The following RPS6KA2 variants were observed in gnomAD, a reference collection of about 807,000 sequenced individuals.
RPS6KA2 encodes ribosomal protein S6 kinase A2, also known as ribosomal protein S6 kinase alpha-2.
A neutral mutation model predicts 91.8 loss-of-function variants in RPS6KA2; 42 were observed. The observed-to-expected ratio is 0.46, with a 90% CI of 0.36 to 0.59. RPS6KA2 has a LOEUF of 0.59. Among genes scored for constraint, RPS6KA2 ranks in the 20% least tolerant of loss-of-function variants. RPS6KA2 has a pLI of 0.00. For missense variants in RPS6KA2, 798 were observed against 978.5 expected, an observed-to-expected ratio of 0.82 and a Z score of 2.46; for synonymous variants, 414 against 393.6, an observed-to-expected ratio of 1.05 and a Z score of -0.61.
rs536186496 is a variant in RPS6KA2, at chr6:166,687,822, T to C, written c.124-149038A>G. Among the ~76,000 whole-genome samples the C allele has an allele frequency of 8.3e-4, 127 of 152,280 alleles. 1 individual carries two copies. Among genetic ancestry groups the C allele is most frequent in the Middle Eastern group, 3.4e-3 (1 of 294 alleles). On this transcript the variant is annotated intron_variant, in intron 2 of 21. Transcript: ENST00000503859. The stretch of plus-strand genomic sequence containing the variant: ...AATGCGTGTGCACAGAGATGCAAAA[T>C]TGCCTTTACCAGAATCAATCTTGGG...
In RPS6KA2 at chr6:166,849,178, G is replaced by A. The variant is rs1319732387; in HGVS notation, c.123+9022C>T. Among the ~76,000 whole-genome samples, 2 of 150,612 alleles carry A rather than the reference G, an allele frequency of 1.3e-5. No homozygotes were observed. The highest frequency in any genetic ancestry group is 1.3e-4 in the Admixed American group (2 of 14,996). On this transcript the variant is annotated intron_variant, in intron 2 of 21. Coordinates refer to the RPS6KA2 transcript ENST00000503859. This position sits in a 1 kb window ranked among gnomAD's most constrained non-coding sequence, Gnocchi z 4.9. ...AGGGTCTGTCTGTCTGTCTGTCTGG[G>A]ACAATCCACCCCTGGTCTTGCTGGT... is the stretch of plus-strand genomic sequence containing the variant.
intron 2 of RPS6KA2, among the ~76,000 whole-genome samples, chr6:166,706,236 T>C (rs994907727): frequency 6.6e-6 from 1 of 152,168 alleles, no homozygotes; most frequent in Admixed American, 6.5e-5. Context: ...CAAATACCTC[T>C]CTGTACCAAT....
rs200886778 is a variant in RPS6KA2, at chr6:166,448,859, G to T, written c.1207-10C>A. On this transcript the variant is annotated splice_polypyrimidine_tract_variant and intron_variant, in intron 13 of 20. Coordinates refer to ENST00000265678, the MANE Select transcript of RPS6KA2 (RefSeq NM_021135.6). This position sits in a 1 kb window ranked among gnomAD's most constrained non-coding sequence, Gnocchi z 4.7. ...TGTTCCCGTGTAACTGCTGCAGAGG[G>T]ACCAAGAGAAGAAGAGTTGTCGGAA... The T allele has an allele frequency of 2.1e-5, 34 of 1,613,526 alleles. No individual in the cohort carries two copies. In the East Asian group the frequency reaches 6.0e-4, roughly 29 times the overall value.
chr6:166,556,386 C>T lies in RPS6KA2; in HGVS notation c.100-17602G>A, dbSNP rs561154583. On this transcript the variant is annotated intron_variant, in intron 1 of 20. Transcript: ENST00000265678. Reference sequence around the variant, plus strand: ...CCCTAATGACTTTTCCCCCTACTACCTGACATGTTAGAAATGGTCATTCCC... The same window carrying T: ...CCCTAATGACTTTTCCCCCTACTACTTGACATGTTAGAAATGGTCATTCCC... Among the ~76,000 whole-genome samples the T allele has an allele frequency of 5.3e-5, 8 of 152,338 alleles. No individual in the cohort carries two copies. The East Asian group carries it at 1.5e-3, about 29-fold the overall frequency.
chr6:166,845,243 G>A (rs972448411), intron 2 of RPS6KA2, among the ~76,000 whole-genome samples: 8 of 152,114 alleles, frequency 5.3e-5, no homozygotes, highest in African/African-American at 1.4e-4. Context: ...GAAATAAAGA[G>A]ACAGCAACAC....
At position 166,499,458 on chromosome 6, in the gene RPS6KA2, A is replaced by C. The variant is rs185787133; in HGVS notation, c.605-808T>G. 2.1e-3 allele frequency among the ~76,000 whole-genome samples: 319 copies of C among 152,364 alleles called. 1 individual carries two copies. Among genetic ancestry groups the C allele is most frequent in the South Asian group, 8.5e-3 (41 of 4,830 alleles). On this transcript the variant is annotated intron_variant, in intron 7 of 20. Transcript: ENST00000265678. Reference sequence around the variant, plus strand: ...CATCCAAATCTCACCTTGAATTGTAAGAATCCCCACGTGTCGTGGGAGGGA... The same window carrying C: ...CATCCAAATCTCACCTTGAATTGTACGAATCCCCACGTGTCGTGGGAGGGA...
At chr6:166,814,052 C>T (rs1264311660) in intron 2 of RPS6KA2, among the ~76,000 whole-genome samples, 1 of 152,184 alleles carries the variant, frequency 6.6e-6, no homozygotes, top group African/African-American at 2.4e-5. Flanking sequence ...TGTTGGTACG[C>T]ATACATTTTG....
chr6:166,583,803 T>C (rs145979172), intron 1 of RPS6KA2, among the ~76,000 whole-genome samples: 2 of 152,204 alleles, frequency 1.3e-5, no homozygotes, highest in African/African-American at 4.8e-5. Context: ...CAGGAAGAAA[T>C]GTGCAAACTG....
At chr6:166,858,075 G>C in intron 2 of RPS6KA2, 1 of 732,588 alleles carries the variant, frequency 1.4e-6, no homozygotes, top group Non-Finnish European at 2.5e-6. Flanking sequence ...TATGTATAGA[G>C]ACACATATGT....
At chr6:166,647,676 A>T (rs1322757276) in intron 2 of RPS6KA2, among the ~76,000 whole-genome samples, 2 of 152,148 alleles carry the variant, frequency 1.3e-5, no homozygotes, top group Middle Eastern at 3.2e-3. Context: ...CCATTTAGCC[A>T]ATTGCCTCTC....
rs1482569700 is a variant in RPS6KA2, at chr6:166,434,153, C to T, written c.1333-1663G>A. On this transcript the variant is annotated intron_variant, in intron 14 of 20. Coordinates refer to ENST00000265678, the MANE Select transcript of RPS6KA2 (RefSeq NM_021135.6). This position sits in a 1 kb window ranked among gnomAD's most constrained non-coding sequence, Gnocchi z 4.4. ...TCACCCTTCGTCCACTCCCCGTCAC[C>T]GTTATAAAAACTCACCATAGTGCCA... 6.6e-6 allele frequency among the ~76,000 whole-genome samples: 1 copy of T among 152,148 alleles called. No individual in the cohort carries two copies. Among genetic ancestry groups the T allele is most frequent in the Admixed American group, 6.5e-5 (1 of 15,268 alleles).
intron 2 of RPS6KA2, among the ~76,000 whole-genome samples, chr6:166,776,342 G>A (rs1412181671): frequency 2.0e-5 from 3 of 152,202 alleles, no homozygotes; most frequent in Admixed American, 6.5e-5. Flanking sequence ...TGGAGTCCCC[G>A]CACTGACTTT....
rs1293603091 is a variant in RPS6KA2 at position 166,852,295 on chromosome 6, T to C, written c.123+5905A>G. Reference sequence around the variant, plus strand: ...ATAAGCAGGGCCTGGAAGATTGTTTTATCAATCTTCTTTCAAATCTACTAG... The same window carrying C: ...ATAAGCAGGGCCTGGAAGATTGTTTCATCAATCTTCTTTCAAATCTACTAG... On this transcript the variant is annotated intron_variant, in intron 2 of 21. Transcript: ENST00000503859. The surrounding 1 kb of genome is among the most constrained non-coding windows in gnomAD (Gnocchi z 4.1). 1.3e-5 allele frequency among the ~76,000 whole-genome samples: 2 copies of C among 152,236 alleles called. No individual in the cohort carries two copies. Among genetic ancestry groups the C allele is most frequent in the South Asian group, 4.1e-4 (2 of 4,822 alleles).
chr6:166,824,776 C>CGTGTGTCTAT lies in RPS6KA2; in HGVS notation c.123+33423_123+33424insATAGACACAC, dbSNP rs1554260959. The stretch of plus-strand genomic sequence containing the variant: ...GTCTGTGTGTGTGTCTGTGTGTCTA[C>CGTGTGTCTAT]GTGTGTGTCTGTGTGTGTGTCTGTG... On this transcript the variant is annotated intron_variant, in intron 2 of 21. Transcript: ENST00000503859. Among the ~76,000 whole-genome samples the CGTGTGTCTAT allele has an allele frequency of 1.2e-3, 22 of 18,992 alleles. No homozygotes were observed. The East Asian group carries it at 0.037, about 32-fold the overall frequency. The allele number at this position is 18,992 out of a possible 152,430, so 12.5% of individuals were successfully genotyped here.
chr6:166,753,705 GTTA>G (rs1268691834), intron 2 of RPS6KA2, among the ~76,000 whole-genome samples: 3 of 152,306 alleles, frequency 2.0e-5, no homozygotes, highest in South Asian at 4.1e-4. Flanking sequence ...AATGTGTGGT[GTTA>G]TTATAATAAA....
At chr6:166,470,186 G>T (rs1780711482) in intron 10 of RPS6KA2, among the ~76,000 whole-genome samples, 2 of 152,240 alleles carry the variant, frequency 1.3e-5, no homozygotes, top group South Asian at 4.1e-4. Flanking sequence ...GCCAGGTGCT[G>T]CCTGCTGCAT....
intron 16 of RPS6KA2, 51 bp downstream of exon 16, chr6:166,430,402 C>T (rs1030324974): frequency 2.6e-6 from 4 of 1,549,988 alleles, no homozygotes; most frequent in East Asian, 2.3e-5. Flanking sequence ...GTTTTGGTTC[C>T]TGCCCTGAAG....
At chr6:166,718,876 A>G (rs1790094510) in intron 2 of RPS6KA2, among the ~76,000 whole-genome samples, 4 of 152,248 alleles carry the variant, frequency 2.6e-5, no homozygotes, top group African/African-American at 9.6e-5. Context: ...AGAGGGGTGG[A>G]ACAGGCTAAT....
At chr6:166,489,705 G>C (rs564884257) in intron 9 of RPS6KA2, among the ~76,000 whole-genome samples, 3 of 152,230 alleles carry the variant, frequency 2.0e-5, no homozygotes, top group African/African-American at 7.2e-5. Context: ...GGAGGAAAAG[G>C]CTGATTAAAT....
Sources: allele counts gnomAD v4.1 joint callset (sites outside exome capture counted in the v4.1 genomes callset), GRCh38; gene constraint gnomAD v4.1.1; non-coding constraint Gnocchi (gnomAD v3.1); transcripts MANE v1.5; gene names NCBI Gene and HGNC (gene_info 2026-07-23, HGNC 2026-07-21).